The following ASB7 variants were observed in gnomAD, a reference collection of about 807,000 sequenced individuals.
The protein encoded by ASB7 is ankyrin repeat and SOCS box containing 7, also known as ankyrin repeat and SOCS box protein 7.
Under a neutral mutation model 32.5 loss-of-function variants are expected in ASB7, and 4 were observed. The ratio of observed to expected loss-of-function variants is 0.12; its 90% CI spans 0.06 to 0.28. The LOEUF (loss-of-function observed/expected upper bound fraction) is 0.28, where lower values mean the gene tolerates loss of function less well. Ranked by LOEUF, ASB7 falls within the 10% of genes least tolerant of loss-of-function variation. ASB7 has a pLI of 1.00. For missense variants in ASB7, 181 were observed against 407.1 expected, an observed-to-expected ratio of 0.44 and a Z score of 4.78; for synonymous variants, 172 against 155.6, an observed-to-expected ratio of 1.11 and a Z score of -0.78.
intron 5 of ASB7, chr15:100,646,588 G>C: frequency 2.8e-6 from 1 of 359,196 alleles, no homozygotes; most frequent in Non-Finnish European, 5.7e-6. Flanking sequence ...AGCAGGGATT[G>C]AGAAGGCAAC....
intron 4 of ASB7, among the ~76,000 whole-genome samples, chr15:100,616,826 G>A (rs533510723): frequency 6.6e-6 from 1 of 152,330 alleles, no homozygotes; most frequent in Non-Finnish European, 1.5e-5. Flanking sequence ...CACCTGTGGT[G>A]CTTAGGCATG....
chr15:100,613,332 C>T (rs549571965), intron 4 of ASB7, among the ~76,000 whole-genome samples: 3 of 152,322 alleles, frequency 2.0e-5, no homozygotes, highest in African/African-American at 7.2e-5. Context: ...TTCTAGAATT[C>T]TTATGAGGGT....
chr15:100,622,968 A>C (rs1454743596), intron 4 of ASB7, among the ~76,000 whole-genome samples: 4 of 152,182 alleles, frequency 2.6e-5, no homozygotes, highest in African/African-American at 9.6e-5. Flanking sequence ...TTTATACAGC[A>C]AAAGAAACAA....
chr15:100,613,402 A>T (rs1274277483), intron 4 of ASB7, among the ~76,000 whole-genome samples: 1 of 152,270 alleles, frequency 6.6e-6, no homozygotes, highest in Non-Finnish European at 1.5e-5. Flanking sequence ...ATTGCAAGGC[A>T]TGCTAACACT....
At chr15:100,638,220 T>C (rs1469448003) in intron 5 of ASB7, 1 of 152,154 alleles carries the variant, frequency 6.6e-6, no homozygotes, top group Non-Finnish European at 1.5e-5. Context: ...ATTTGATGAA[T>C]CTCTAATGTA....
In ASB7 at chr15:100,648,477, G is replaced by T; in HGVS notation, c.*15G>T. ...ATGATATCTGATATGCCAGAACTGT[G>T]AGCAAGATTAGGAGTTCTATTCTAG... On this transcript the variant is annotated 3_prime_UTR_variant, in exon 6 of 6. Transcript: ENST00000332783. 1.3e-6 allele frequency: 2 copies of T among 1,591,378 alleles called. No homozygotes were observed. Among genetic ancestry groups the T allele is most frequent in the Non-Finnish European group, 8.6e-7 (1 of 1,164,270 alleles).
intron 2 of ASB7, among the ~76,000 whole-genome samples, chr15:100,608,622 C>T (rs180880808): frequency 3.5e-4 from 53 of 152,230 alleles, no homozygotes; most frequent in Admixed American, 1.5e-3. Flanking sequence ...TAGAATCGGC[C>T]ATTTGTATAA....
At chr15:100,619,801 G>A (rs1256616503) in intron 4 of ASB7, among the ~76,000 whole-genome samples, 5 of 152,186 alleles carry the variant, frequency 3.3e-5, no homozygotes, top group African/African-American at 1.2e-4. Context: ...GCAGCCTGGT[G>A]GGGAGCGGCC....
chr15:100,607,872 T>C (rs2039660150), intron 2 of ASB7, among the ~76,000 whole-genome samples: 1 of 152,216 alleles, frequency 6.6e-6, no homozygotes, highest in Non-Finnish European at 1.5e-5. Flanking sequence ...ACTTCATCTT[T>C]TACCACCAGG....
intron 2 of ASB7, among the ~76,000 whole-genome samples, chr15:100,609,208 T>C (rs2039673257): frequency 6.6e-6 from 1 of 152,220 alleles, no homozygotes; most frequent in South Asian, 2.1e-4. Context: ...TTGATGCCTT[T>C]AGGGCACATG....
At chr15:100,612,500 T>C in intron 4 of ASB7, 73 bp downstream of exon 4, 1 of 1,379,806 alleles carries the variant, frequency 7.2e-7, no homozygotes, top group Non-Finnish European at 1.0e-6. Context: ...ATGTGTCTAT[T>C]TGTAATTTTT....
chr15:100,606,794 A>G (rs1206429073), intron 2 of ASB7, among the ~76,000 whole-genome samples: 5 of 152,122 alleles, frequency 3.3e-5, no homozygotes, highest in Non-Finnish European at 7.4e-5. Context: ...ATTTCTGAAG[A>G]TCATACCCTC....
chr15:100,604,649 A>G lies in ASB7; in HGVS notation c.-174+1336A>G, dbSNP rs78219926. Among the ~76,000 whole-genome samples, 16 of 152,322 alleles carry G rather than the reference A, an allele frequency of 1.1e-4. No homozygotes were observed. The East Asian group carries it at 1.5e-3, about 15-fold the overall frequency. On this transcript the variant is annotated intron_variant, in intron 2 of 5. Coordinates refer to ENST00000332783, the MANE Select transcript of ASB7 (RefSeq NM_198243.3). ...TCTTGAGACATGGAACTGCATGCCAAAAGAAGAGATTCTAGGGAATAGGAT... is the reference window on the plus strand; with the variant it reads ...TCTTGAGACATGGAACTGCATGCCAGAAGAAGAGATTCTAGGGAATAGGAT...
chr15:100,630,809 T>G (rs2039877920), intron 5 of ASB7, among the ~76,000 whole-genome samples: 1 of 152,226 alleles, frequency 6.6e-6, no homozygotes. Context: ...CGTGACCAGT[T>G]GAATGTGTGT....
Position 100,639,497 on chromosome 15 carries a change from A to G in ASB7, c.818-8826A>G, listed in dbSNP as rs569356861. ...TTCTCAGGTTAAACCCCATATAGCA[A>G]TAAGTATATGAGCAGCTGTTCGCAC... On this transcript the variant is annotated intron_variant, in intron 5 of 5. Coordinates refer to ENST00000332783, the MANE Select transcript of ASB7 (RefSeq NM_198243.3). Among the ~76,000 whole-genome samples the G allele has an allele frequency of 3.9e-4, 59 of 152,312 alleles. No homozygotes were observed. The South Asian group carries it at 6.4e-3, about 17-fold the overall frequency.
chr15:100,621,835 A>G (rs34219414), intron 4 of ASB7, among the ~76,000 whole-genome samples: 42,821 of 151,446 alleles, frequency 0.28, 7,225 homozygotes, highest in South Asian at 0.42. Context: ...AGATCAATAA[A>G]ATTGATGAAT....
At position 100,605,028 on chromosome 15, in the gene ASB7, A is replaced by C. The variant is rs182024194; in HGVS notation, c.-174+1715A>C. Among the ~76,000 whole-genome samples the C allele has an allele frequency of 2.1e-3, 319 of 152,332 alleles. 1 individual carries two copies. The highest frequency in any genetic ancestry group is 4.0e-3 in the Non-Finnish European group (273 of 68,022). The stretch of plus-strand genomic sequence containing the variant: ...TTCACCTGAGATGGTAAAGGGAAGG[A>C]GTCTGTGGCTAGTCCAGCACATAAG... On this transcript the variant is annotated intron_variant, in intron 2 of 5. Coordinates refer to ENST00000332783, the MANE Select transcript of ASB7 (RefSeq NM_198243.3).
Position 100,629,657 on chromosome 15 carries a change from C to G in ASB7, c.432C>G (p.Asp144Glu). 6.2e-7 allele frequency: 1 copy of G among 1,614,170 alleles called. No homozygotes were observed. The highest frequency in any genetic ancestry group is 8.5e-7 in the Non-Finnish European group (1 of 1,180,040). Reference protein sequence around the residue: ...RLLLEFKAEVDPLSDKGTTPL... With the variant: ...RLLLEFKAEVEPLSDKGTTPL... ...TCCTGGAGTTCAAGGCTGAGGTTGA[C>G]CCACTCAGTGATAAAGGTACCACAC... The change falls in exon 5 of 6, where the codon GAC (aspartate) becomes GAG (glutamate). Residue 144 changes from aspartate to glutamate, a missense_variant. Transcript: ENST00000332783. This position sits in a 1 kb window ranked among gnomAD's most constrained non-coding sequence, Gnocchi z 6.8.
intron 4 of ASB7, among the ~76,000 whole-genome samples, chr15:100,628,471 A>G (rs1156364038): frequency 2.6e-5 from 4 of 152,226 alleles, no homozygotes; most frequent in Non-Finnish European, 4.4e-5. Context: ...TGACTTTTAC[A>G]AGAGAGCATT....
Sources: gnomAD v4.1 joint callset for allele counts (sites outside exome capture counted in the v4.1 genomes callset) on GRCh38, gnomAD v4.1.1 for gene constraint, Gnocchi (gnomAD v3.1) non-coding constraint, MANE v1.5 for transcripts, NCBI Gene and HGNC (gene_info 2026-07-23, HGNC 2026-07-21) for gene names.